Variants in UBE2E3 observed in about 807,000 individuals in gnomAD.
UBE2E3 encodes ubiquitin conjugating enzyme E2 E3.
Under a neutral mutation model 23.6 loss-of-function variants are expected in UBE2E3, and 5 were observed. The observed-to-expected ratio is 0.21, with a 90% confidence interval of 0.11 to 0.44. The LOEUF is 0.44. Among genes scored for constraint, UBE2E3 ranks in the 20% least tolerant of loss-of-function variants. The probability of loss-of-function intolerance (pLI) is 0.99; values close to 1 mark genes in which losing one functional copy is unlikely to be tolerated. For synonymous variants in UBE2E3, 78 were observed against 87.5 expected, an observed-to-expected ratio of 0.89 and a Z score of 0.60; for missense variants, 81 against 249.8, an observed-to-expected ratio of 0.32 and a Z score of 4.55.
chr2:181,054,360 A>G (rs1477875815), intron 3 of UBE2E3, among the ~76,000 whole-genome samples: 1 of 151,846 alleles, frequency 6.6e-6, no homozygotes, highest in Admixed American at 6.6e-5. Context: ...TCCACTAGCA[A>G]TGGATGAGAG....
At chr2:181,000,888 A>G (rs1165699352) in intron 3 of UBE2E3, among the ~76,000 whole-genome samples, 1 of 152,218 alleles carries the variant, frequency 6.6e-6, no homozygotes, top group Non-Finnish European at 1.5e-5. Context: ...TAAAGTAAGA[A>G]TTCTTGTGCT....
At chr2:181,027,256 C>A (rs1043683779) in intron 3 of UBE2E3, among the ~76,000 whole-genome samples, 17 of 151,842 alleles carry the variant, frequency 1.1e-4, no homozygotes, top group African/African-American at 4.1e-4. Context: ...TAAGTTAAAT[C>A]TTTGACTAAA....
intron 3 of UBE2E3, among the ~76,000 whole-genome samples, chr2:181,029,422 A>G (rs927548593): frequency 2.0e-5 from 3 of 152,008 alleles, no homozygotes; most frequent in East Asian, 1.9e-4. Flanking sequence ...TCATAAACAT[A>G]CTGTATCACC....
chr2:181,038,964 C>T (rs1686387018), intron 3 of UBE2E3, among the ~76,000 whole-genome samples: 1 of 151,934 alleles, frequency 6.6e-6, no homozygotes, highest in Admixed American at 6.6e-5. Context: ...CATACATTAC[C>T]ATTGAGAAGG....
chr2:181,013,188 T>C (rs993892453), intron 3 of UBE2E3, among the ~76,000 whole-genome samples: 5 of 152,150 alleles, frequency 3.3e-5, no homozygotes, highest in Admixed American at 6.6e-5. Flanking sequence ...CTGAGTGTTA[T>C]GATAGTGAAC....
At chr2:181,027,856 C>G (rs1057433876) in intron 3 of UBE2E3, among the ~76,000 whole-genome samples, 1 of 151,774 alleles carries the variant, frequency 6.6e-6, no homozygotes, top group Non-Finnish European at 1.5e-5. Context: ...GTAAGTATAC[C>G]CTTATCATCA....
At chr2:181,033,769 G>A (rs1686168630) in intron 3 of UBE2E3, among the ~76,000 whole-genome samples, 1 of 152,108 alleles carries the variant, frequency 6.6e-6, no homozygotes, top group African/African-American at 2.4e-5. Context: ...GAAAATTTTT[G>A]CAAGCTACCC....
At chr2:181,042,618 T>A (rs959957593) in intron 3 of UBE2E3, among the ~76,000 whole-genome samples, 8 of 152,166 alleles carry the variant, frequency 5.3e-5, no homozygotes, top group African/African-American at 1.9e-4. Flanking sequence ...GAATTCAGGT[T>A]CTGCCACGTA....
chr2:181,032,762 C>T (rs995543433), intron 3 of UBE2E3, among the ~76,000 whole-genome samples: 9 of 152,074 alleles, frequency 5.9e-5, no homozygotes, highest in Non-Finnish European at 7.4e-5. Flanking sequence ...TTTGGGCAAG[C>T]GCTTTAATTT....
At chr2:181,049,675 C>G (rs1686768866) in intron 3 of UBE2E3, among the ~76,000 whole-genome samples, 1 of 151,936 alleles carries the variant, frequency 6.6e-6, no homozygotes, top group Non-Finnish European at 1.5e-5. Flanking sequence ...AGCATTATTG[C>G]ATTATCTGTG....
intron 3 of UBE2E3, among the ~76,000 whole-genome samples, chr2:180,990,648 A>G (rs1173398466): frequency 6.6e-6 from 1 of 152,096 alleles, no homozygotes; most frequent in East Asian, 1.9e-4. Context: ...GCAGTATTTT[A>G]TTTCTTTTAG....
At chr2:180,981,696 A>G (rs1055668677) in intron 1 of UBE2E3, among the ~76,000 whole-genome samples, 3 of 152,198 alleles carry the variant, frequency 2.0e-5, no homozygotes, top group African/African-American at 7.2e-5. Flanking sequence ...ACAGTGTGTC[A>G]TATGTTATTA....
chr2:180,998,989 G>C (rs1346305964), intron 3 of UBE2E3, among the ~76,000 whole-genome samples: 1 of 152,058 alleles, frequency 6.6e-6, no homozygotes, highest in African/African-American at 2.4e-5. Context: ...TGTGTAAGTG[G>C]TATAAATGTC....
At chr2:181,022,416 A>T (rs1244931461) in intron 3 of UBE2E3, among the ~76,000 whole-genome samples, 1 of 152,050 alleles carries the variant, frequency 6.6e-6, no homozygotes, top group Non-Finnish European at 1.5e-5. Flanking sequence ...GAAATAAAAG[A>T]TTATCTTTTT....
rs768010993 is a variant in UBE2E3 at position 181,020,481 on chromosome 2, T to G, written c.245+36388T>G. 7.3e-4 allele frequency among the ~76,000 whole-genome samples: 111 copies of G among 152,328 alleles called. 1 individual carries two copies. The highest frequency in any genetic ancestry group is 3.4e-3 in the Middle Eastern group (1 of 294). ...GGGGTTAGAACTTCAACATTATCTT[T>G]TAGGGGCCTACAATTCAAGCTGTCA... On this transcript the variant is annotated intron_variant, in intron 3 of 5. Coordinates refer to ENST00000410062, the MANE Select transcript of UBE2E3 (RefSeq NM_006357.4).
intron 3 of UBE2E3, among the ~76,000 whole-genome samples, chr2:180,994,764 T>G (rs1684775788): frequency 6.6e-6 from 1 of 152,168 alleles, no homozygotes; most frequent in Non-Finnish European, 1.5e-5. Context: ...CTAGAAATAG[T>G]GAAAATATTA....
At chr2:181,014,056 G>A (rs1459131024) in intron 3 of UBE2E3, among the ~76,000 whole-genome samples, 1 of 152,176 alleles carries the variant, frequency 6.6e-6, no homozygotes, top group East Asian at 1.9e-4. Flanking sequence ...AGTATGGATA[G>A]CATCTGTTGA....
chr2:180,990,769 G>A (rs1684631204), intron 3 of UBE2E3, among the ~76,000 whole-genome samples: 2 of 152,188 alleles, frequency 1.3e-5, no homozygotes, highest in Admixed American at 6.5e-5. Flanking sequence ...ACATTGGACA[G>A]TCATCAAAAT....
At chr2:180,991,964 T>G (rs1319028713) in intron 3 of UBE2E3, among the ~76,000 whole-genome samples, 1 of 152,228 alleles carries the variant, frequency 6.6e-6, no homozygotes, top group Non-Finnish European at 1.5e-5. Context: ...CTGTGGAAAG[T>G]GGAACTGCAC....
Sources: allele counts gnomAD v4.1 joint callset (sites outside exome capture counted in the v4.1 genomes callset), GRCh38; gene constraint gnomAD v4.1.1; transcripts MANE v1.5; gene names NCBI Gene and HGNC (gene_info 2026-07-23, HGNC 2026-07-21).